RPIA: variants seen among roughly 807,000 people sequenced by gnomAD.
RPIA encodes ribose-5-phosphate isomerase.
Under a neutral mutation model 37.8 loss-of-function variants are expected in RPIA, and 29 were observed. The observed-to-expected ratio is 0.77, with a 90% CI of 0.57 to 1.05. The LOEUF is 1.05. Among genes scored for constraint, RPIA ranks in the 50% least tolerant of loss-of-function variants. RPIA has a pLI of 0.00. For synonymous variants in RPIA, 167 were observed against 157.0 expected, an observed-to-expected ratio of 1.06 and a Z score of -0.48; for missense variants, 385 against 413.6, an observed-to-expected ratio of 0.93 and a Z score of 0.60.
Position 88,700,041 on chromosome 2 carries a change from G to A in RPIA, c.379G>A (p.Val127Ile), listed in dbSNP as rs750237002. ...ERVKQENLNL[V>I]CIPTSFQARQ... ...GGTGAAGCAAGAGAATCTGAACCTC[G>A]TCTGTATTCCCACTTCCTTCCAGGT... The change falls in exon 3 of 9, where the codon GTC (valine) becomes ATC (isoleucine). Residue 127 changes from valine (V) to isoleucine (I), a missense_variant. Coordinates refer to ENST00000283646, the MANE Select transcript of RPIA (RefSeq NM_144563.3). 14 of 1,614,210 alleles carry A rather than the reference G, an allele frequency of 8.7e-6. No homozygotes were observed. Among genetic ancestry groups the A allele is most frequent in the Middle Eastern group, 1.6e-4 (1 of 6,062 alleles).
intron 8 of RPIA, among the ~76,000 whole-genome samples, chr2:88,741,192 T>A (rs539297079): frequency 1.3e-5 from 2 of 152,318 alleles, no homozygotes; most frequent in African/African-American, 4.8e-5. Flanking sequence ...CAATGCATAG[T>A]CTTTTCTCCC....
In RPIA at chr2:88,749,253, G is replaced by A. The variant is rs149829955; in HGVS notation, c.839-728G>A. Among the ~76,000 whole-genome samples, 297 of 152,290 alleles carry A rather than the reference G, an allele frequency of 2.0e-3. 2 individuals are homozygous for A. Among genetic ancestry groups the A allele is most frequent in the African/African-American group, 7.0e-3 (292 of 41,562 alleles). Reference sequence around the variant, plus strand: ...CCAGCTCAGCTTTCACCATCAATGCGTATGAGTGTCTTTGCATCCCAGCAG... The same window carrying A: ...CCAGCTCAGCTTTCACCATCAATGCATATGAGTGTCTTTGCATCCCAGCAG... On this transcript the variant is annotated intron_variant, in intron 8 of 8. Coordinates refer to ENST00000283646, the MANE Select transcript of RPIA (RefSeq NM_144563.3).
chr2:88,715,336 A>C (rs1202347889), intron 3 of RPIA, among the ~76,000 whole-genome samples: 1 of 152,138 alleles, frequency 6.6e-6, no homozygotes, highest in Non-Finnish European at 1.5e-5. Flanking sequence ...GTTGATGTCA[A>C]CTCTTCAGCT....
chr2:88,697,551 T>C (rs1439603531), intron 1 of RPIA, among the ~76,000 whole-genome samples: 1 of 152,236 alleles, frequency 6.6e-6, no homozygotes, highest in African/African-American at 2.4e-5. Context: ...TTTGGTCTGC[T>C]TGCAGGTACC....
chr2:88,699,147 A>G (rs1464412320), intron 2 of RPIA, among the ~76,000 whole-genome samples: 2 of 152,244 alleles, frequency 1.3e-5, no homozygotes, highest in Non-Finnish European at 2.9e-5. Context: ...GGCAGAGCCC[A>G]GGAGGTAAAG....
chr2:88,735,786 C>T, intron 6 of RPIA, 49 bp downstream of exon 6: 2 of 1,562,836 alleles, frequency 1.3e-6, no homozygotes, highest in East Asian at 2.2e-5. Context: ...AGATTGGATC[C>T]CCAAGCCGCA....
At chr2:88,725,435 T>C (rs1268491444) in intron 3 of RPIA, among the ~76,000 whole-genome samples, 2 of 151,972 alleles carry the variant, frequency 1.3e-5, no homozygotes, top group Admixed American at 6.6e-5. Context: ...TCTGAGACTG[T>C]GAAGGAGAAT....
intron 7 of RPIA, 110 bp downstream of exon 7, chr2:88,736,786 TTTTA>T: frequency 7.8e-7 from 1 of 1,279,280 alleles, no homozygotes; most frequent in Non-Finnish European, 1.1e-6. Context: ...GGCAATTGGC[TTTTA>T]TTTATTTTTA....
At position 88,735,656 on chromosome 2, in the gene RPIA, T is replaced by C; in HGVS notation, c.528-13T>C. On this transcript the variant is annotated splice_polypyrimidine_tract_variant and intron_variant, in intron 5 of 8. Coordinates refer to ENST00000283646, the MANE Select transcript of RPIA (RefSeq NM_144563.3). ...TTGTCTTACTCCTGTGTTCCTTTGC[T>C]TCTTTCCTGCAGAGGCTGCCTGACC... 1 of 1,613,988 alleles carries C rather than the reference T, an allele frequency of 6.2e-7. No homozygotes were observed.
intron 3 of RPIA, 114 bp downstream of exon 3, chr2:88,700,178 T>G (rs1672810913): frequency 2.1e-6 from 2 of 963,606 alleles, no homozygotes; most frequent in Non-Finnish European, 3.4e-6. Context: ...GGTCAGAGAG[T>G]CCAGGAATAG....
At chr2:88,709,036 G>A (rs1161350535) in intron 3 of RPIA, among the ~76,000 whole-genome samples, 8 of 152,176 alleles carry the variant, frequency 5.3e-5, no homozygotes, top group Non-Finnish European at 1.0e-4. Context: ...GGTTACAGGC[G>A]TGAGCCACCG....
chr2:88,693,151 G>A (rs539685096), intron 1 of RPIA, among the ~76,000 whole-genome samples: 14 of 152,342 alleles, frequency 9.2e-5, no homozygotes, highest in Non-Finnish European at 1.9e-4. Flanking sequence ...TCTGCATACA[G>A]TGAATAGCTA....
At chr2:88,704,559 A>G (rs1367059579) in intron 3 of RPIA, among the ~76,000 whole-genome samples, 1 of 152,216 alleles carries the variant, frequency 6.6e-6, no homozygotes, top group East Asian at 1.9e-4. Flanking sequence ...TTCTCCCACA[A>G]CACATGGGAA....
At chr2:88,747,917 A>T (rs1673458067) in intron 8 of RPIA, among the ~76,000 whole-genome samples, 1 of 152,134 alleles carries the variant, frequency 6.6e-6, no homozygotes, top group South Asian at 2.1e-4. Flanking sequence ...CTTGGAGCAA[A>T]AGTTCACAAT....
chr2:88,740,037 A>G (rs1026647294), intron 8 of RPIA, among the ~76,000 whole-genome samples: 7 of 152,238 alleles, frequency 4.6e-5, no homozygotes, highest in African/African-American at 1.7e-4. Flanking sequence ...TGGAAGAACT[A>G]AACAGCCAAG....
chr2:88,692,791 G>A (rs989728647), intron 1 of RPIA, among the ~76,000 whole-genome samples: 27 of 152,138 alleles, frequency 1.8e-4, no homozygotes, highest in African/African-American at 5.8e-4. Flanking sequence ...TTAGAAAGTG[G>A]TATTAGAGTC....
At chr2:88,747,165 G>C (rs1373192816) in intron 8 of RPIA, among the ~76,000 whole-genome samples, 1 of 152,122 alleles carries the variant, frequency 6.6e-6, no homozygotes, top group African/African-American at 2.4e-5. Flanking sequence ...TCAGGTCAAT[G>C]GAGTTATGTT....
intron 3 of RPIA, among the ~76,000 whole-genome samples, chr2:88,716,764 A>C (rs2104102917): frequency 6.6e-6 from 1 of 152,338 alleles, no homozygotes; most frequent in South Asian, 2.1e-4. Flanking sequence ...GGAAGTCAAA[A>C]TATTTTTTGG....
chr2:88,737,017 G>A (rs191134662), intron 7 of RPIA, among the ~76,000 whole-genome samples: 20 of 152,192 alleles, frequency 1.3e-4, no homozygotes, highest in East Asian at 9.6e-4. Context: ...CTGGCTTTGG[G>A]AACTGCTTGG....
Sources: allele counts gnomAD v4.1 joint callset (sites outside exome capture counted in the v4.1 genomes callset), GRCh38; gene constraint gnomAD v4.1.1; transcripts MANE v1.5; gene names NCBI Gene and HGNC (gene_info 2026-07-23, HGNC 2026-07-21).